The following TYW1B variants were observed in gnomAD, a reference collection of about 807,000 sequenced individuals.
TYW1B encodes tRNA-yW synthesizing protein 1 homolog B, also known as S-adenosyl-L-methionine-dependent tRNA 4-demethylwyosine synthase TYW1B.
TYW1B carries 73 observed loss-of-function variants against 86.9 expected under a neutral mutation model. The observed-to-expected ratio is 0.84, with a 90% CI of 0.70 to 1.02. The LOEUF (loss-of-function observed/expected upper bound fraction) is 1.02. Ranked by LOEUF, TYW1B falls within the 50% of genes least tolerant of loss-of-function variation. The pLI is 0.00. For synonymous variants in TYW1B, 248 were observed against 292.8 expected (o/e 0.85, Z 1.56); for missense variants, 637 against 827.4 (o/e 0.77, Z 2.82).
intron 10 of TYW1B, among the ~76,000 whole-genome samples, chr7:72,706,354 G>T (rs565054950): frequency 6.7e-6 from 1 of 149,858 alleles, no homozygotes; most frequent in African/African-American, 2.5e-5. Context: ...TTGAACCCGG[G>T]AAGTGGAGGT....
chr7:72,644,968 C>T (rs1317985940), intron 11 of TYW1B, among the ~76,000 whole-genome samples: 5 of 151,992 alleles, frequency 3.3e-5, no homozygotes, highest in Non-Finnish European at 5.9e-5. Context: ...GCTGGGACTA[C>T]AGGCGTGTGC....
At chr7:72,814,539 G>A (rs1478018290) in intron 3 of TYW1B, among the ~76,000 whole-genome samples, 13 of 151,640 alleles carry the variant, frequency 8.6e-5, no homozygotes, top group Non-Finnish European at 1.5e-4. Flanking sequence ...AGCCGAGATC[G>A]CGCCACTGCA....
chr7:72,641,236 T>C (rs577475805), intron 11 of TYW1B, among the ~76,000 whole-genome samples: 15 of 152,146 alleles, frequency 9.9e-5, no homozygotes, highest in African/African-American at 3.6e-4. Flanking sequence ...GGAACAGACC[T>C]ACAAGTCAAG....
intron 13 of TYW1B, among the ~76,000 whole-genome samples, chr7:72,585,850 C>T (rs1811262672): frequency 1.3e-5 from 2 of 152,156 alleles, no homozygotes; most frequent in South Asian, 2.1e-4. Flanking sequence ...TGAGAAAAGA[C>T]TAACACACTA....
chr7:72,676,685 C>T (rs1472599813), intron 11 of TYW1B, among the ~76,000 whole-genome samples: 5 of 152,072 alleles, frequency 3.3e-5, no homozygotes, highest in African/African-American at 4.8e-5. Context: ...TTTGGCTGGA[C>T]GTGGTGGCTC....
intron 11 of TYW1B, among the ~76,000 whole-genome samples, chr7:72,667,619 C>G (rs1813499963): frequency 6.6e-6 from 1 of 152,120 alleles, no homozygotes; most frequent in Non-Finnish European, 1.5e-5. Context: ...AAGGCTGAGA[C>G]AGGAGGATCG....
chr7:72,722,372 G>A (rs1786920701), intron 9 of TYW1B, among the ~76,000 whole-genome samples: 1 of 152,132 alleles, frequency 6.6e-6, no homozygotes, highest in South Asian at 2.1e-4. Flanking sequence ...GCAATCACTT[G>A]ATGTTTGCTG....
intron 12 of TYW1B, among the ~76,000 whole-genome samples, chr7:72,619,759 A>G (rs1812171503): frequency 6.6e-6 from 1 of 152,204 alleles, no homozygotes; most frequent in Non-Finnish European, 1.5e-5. Flanking sequence ...TTAGTCATAA[A>G]AGTGTACTCT....
At chr7:72,763,104 G>A (rs1787712180) in intron 7 of TYW1B, among the ~76,000 whole-genome samples, 1 of 151,596 alleles carries the variant, frequency 6.6e-6, no homozygotes, top group Admixed American at 6.6e-5. Flanking sequence ...TTCCCATAAA[G>A]AGAGGCAATC....
intron 11 of TYW1B, among the ~76,000 whole-genome samples, chr7:72,685,014 AG>A (rs1813974413): frequency 6.6e-6 from 1 of 151,864 alleles, no homozygotes; most frequent in Non-Finnish European, 1.5e-5. Context: ...TGGGAGGCTG[AG>A]ATAGGCAAAT....
At chr7:72,685,896 C>T (rs1554449313) in intron 11 of TYW1B, among the ~76,000 whole-genome samples, 1 of 152,126 alleles carries the variant, frequency 6.6e-6, no homozygotes, top group Non-Finnish European at 1.5e-5. Flanking sequence ...AAAGACGTAT[C>T]TCATAAAGGA....
In TYW1B at chr7:72,791,413, C is replaced by CA. The variant is rs782341439; in HGVS notation, c.846+10986dup. On this transcript the variant is annotated intron_variant, in intron 6 of 13. Transcript: ENST00000620995. ...AGCATTAAAGACTGATGCTAAACCTCAAAAAAAAAAAAAAAAAAGGAAATA... is the reference window on the plus strand; with the variant it reads ...AGCATTAAAGACTGATGCTAAACCTCAAAAAAAAAAAAAAAAAAAGGAAATA... 9.0e-4 allele frequency among the ~76,000 whole-genome samples: 126 copies of CA among 139,746 alleles called. 1 individual carries two copies. Among genetic ancestry groups the CA allele is most frequent in the Middle Eastern group, 7.4e-3 (2 of 270 alleles). The allele number at this position is 139,746 out of a possible 152,430, so 91.7% of individuals were successfully genotyped here. A position where few individuals can be genotyped will look rare whatever the true frequency, so the allele number is the denominator to read the frequency against.
At chr7:72,746,419 G>A (rs544068904) in intron 7 of TYW1B, among the ~76,000 whole-genome samples, 4 of 152,274 alleles carry the variant, frequency 2.6e-5, no homozygotes, top group African/African-American at 9.6e-5. Context: ...TAGTCACAGA[G>A]TAATTTCCAC....
At position 72,616,791 on chromosome 7, in the gene TYW1B, G is replaced by C; in HGVS notation, c.1666C>G (p.His556Asp). Reference sequence around the variant, plus strand: ...ACCACTTCCTCATGCCAGGGCACATGGGCCATGGTAAGACTGCTTGCTGAA... The same window carrying C: ...ACCACTTCCTCATGCCAGGGCACATCGGCCATGGTAAGACTGCTTGCTGAA... ...ESSASSLTMA[H>D]VPWHEEVVQF... The change falls in exon 13 of 14, where the codon CAT (histidine) becomes GAT (aspartate). Residue 556 changes from histidine to aspartate, a missense_variant. His to Asp is a moderately conservative substitution (Grantham distance 81). Transcript: ENST00000620995. The C allele has an allele frequency of 3.1e-6, 5 of 1,614,196 alleles. No individual in the cohort carries two copies. Among genetic ancestry groups the C allele is most frequent in the Non-Finnish European group, 4.2e-6 (5 of 1,180,038 alleles).
Position 72,652,042 on chromosome 7 carries a change from C to A in TYW1B, c.1507-23045G>T, listed in dbSNP as rs1227208127. On this transcript the variant is annotated intron_variant, in intron 11 of 13. Transcript: ENST00000620995. The stretch of plus-strand genomic sequence containing the variant: ...AAGAGATTCGCCCACCTCAGCCTCC[C>A]GGTAAGACTACAGGCAGCAGCCACC... Among the ~76,000 whole-genome samples the A allele has an allele frequency of 7.4e-4, 112 of 152,042 alleles. 1 individual carries two copies. The highest frequency in any genetic ancestry group is 4.3e-4 in the Non-Finnish European group (29 of 68,000).
intron 10 of TYW1B, among the ~76,000 whole-genome samples, chr7:72,707,063 G>C (rs1196473172): frequency 6.6e-6 from 1 of 152,228 alleles, no homozygotes; most frequent in Non-Finnish European, 1.5e-5. Context: ...CTGTTGTGCT[G>C]TATGTAGACT....
chr7:72,599,382 C>T (rs1811606003), intron 13 of TYW1B, among the ~76,000 whole-genome samples: 4 of 152,138 alleles, frequency 2.6e-5, no homozygotes, highest in Admixed American at 2.0e-4. Flanking sequence ...CAGAAGGGAA[C>T]TTTCTCAACC....
intron 7 of TYW1B, among the ~76,000 whole-genome samples, chr7:72,765,750 C>G (rs1453841769): frequency 6.6e-6 from 1 of 152,014 alleles, no homozygotes; most frequent in African/African-American, 2.4e-5. Flanking sequence ...TCAGGTGTGA[C>G]CAACTGGTAC....
At chr7:72,598,796 C>T (rs1176320400) in intron 13 of TYW1B, among the ~76,000 whole-genome samples, 2 of 152,038 alleles carry the variant, frequency 1.3e-5, no homozygotes, top group Non-Finnish European at 2.9e-5. Flanking sequence ...TCTGGGGCTA[C>T]AGCAGGTGAT....
Sources: allele counts gnomAD v4.1 joint callset (sites outside exome capture counted in the v4.1 genomes callset), GRCh38; gene constraint gnomAD v4.1.1; transcripts MANE v1.5; gene names NCBI Gene and HGNC (gene_info 2026-07-23, HGNC 2026-07-21).